FLT1: variants seen among roughly 807,000 people sequenced by gnomAD.
FLT1 encodes the protein vascular endothelial growth factor receptor 1.
In FLT1, 49 loss-of-function variants were observed where a neutral mutation model predicts 156.3. That is an observed-to-expected ratio of 0.31 (90% CI 0.25 to 0.40). The LOEUF (loss-of-function observed/expected upper bound fraction) is 0.40. Ranked by LOEUF, FLT1 falls within the 10% of genes least tolerant of loss-of-function variation. The pLI, the probability that FLT1 is intolerant of heterozygous loss-of-function variation, is 1.00. For synonymous variants in FLT1, 594 were observed against 583.8 expected (o/e 1.02, Z -0.25); for missense variants, 1,322 against 1,637.2 (o/e 0.81, Z 3.32).
chr13:28,432,193 G>T (rs1050890324), intron 6 of FLT1, among the ~76,000 whole-genome samples: 31 of 152,072 alleles, frequency 2.0e-4, no homozygotes, highest in African/African-American at 7.3e-4. Context: ...GGGGGCGGAG[G>T]GGAGGAGCAT....
In FLT1 at chr13:28,397,041, A is replaced by G; in HGVS notation, c.1579T>C (p.Ser527Pro). Reference sequence around the variant, plus strand: ...CAAATGTAGATTCCAGAAATTCTAGAGTCAGCCACAACCAAGGTGCTAGCC... The same window carrying G: ...CAAATGTAGATTCCAGAAATTCTAGGGTCAGCCACAACCAAGGTGCTAGCC... ...KMASTLVVAD[S>P]RISGIYICIA... Residue 527 changes from serine to proline, a missense_variant, in exon 12 of 30, where the codon TCT becomes CCT. Ser to Pro is a moderately conservative substitution (Grantham distance 74, BLOSUM62 -1). Coordinates refer to ENST00000282397, the MANE Select transcript of FLT1 (RefSeq NM_002019.4). 6.2e-7 allele frequency: 1 copy of G among 1,613,594 alleles called. No individual in the cohort carries two copies. The highest frequency in any genetic ancestry group is 8.5e-7 in the Non-Finnish European group (1 of 1,179,552).
At chr13:28,331,445 T>G (rs1031298665) in intron 18 of FLT1, among the ~76,000 whole-genome samples, 1 of 152,238 alleles carries the variant, frequency 6.6e-6, no homozygotes, top group African/African-American at 2.4e-5. Flanking sequence ...TATGCTTTTG[T>G]TTTGAGACGG....
intron 1 of FLT1, among the ~76,000 whole-genome samples, chr13:28,493,779 G>A (rs917778338): frequency 6.6e-6 from 1 of 152,150 alleles, no homozygotes; most frequent in Non-Finnish European, 1.5e-5. Flanking sequence ...CAATGGCGGC[G>A]GTCTAACTGC....
At chr13:28,386,574 T>G in intron 13 of FLT1, 1 of 1,055,596 alleles carries the variant, frequency 9.5e-7, no homozygotes, top group Non-Finnish European at 1.1e-6. Flanking sequence ...CTTTCCTATC[T>G]TATCTTGCCC....
At chr13:28,389,270 A>G (rs764954141) in intron 13 of FLT1, 12 of 1,162,454 alleles carry the variant, frequency 1.0e-5, no homozygotes, top group Non-Finnish European at 1.2e-5. Flanking sequence ...CAGAGTCTCA[A>G]ATTCAACTGT....
chr13:28,385,664 T>C (rs1408749169), intron 13 of FLT1: 12 of 1,006,604 alleles, frequency 1.2e-5, no homozygotes, highest in African/African-American at 5.2e-5. Flanking sequence ...TTTTGCACTA[T>C]ATAATAGTAC....
intron 11 of FLT1, chr13:28,399,196 G>T (rs1437616207): frequency 1.1e-6 from 1 of 924,410 alleles, no homozygotes. Context: ...CTTCAAAGCA[G>T]TATGCAAAAA....
chr13:28,466,797 T>C (rs778082513), intron 3 of FLT1, 106 bp downstream of exon 3: 3 of 796,396 alleles, frequency 3.8e-6, no homozygotes, highest in East Asian at 5.3e-5. Context: ...TCCTAACCCG[T>C]TTCTTTCATA....
chr13:28,473,691 GAGAA>G (rs1204398143), intron 1 of FLT1, among the ~76,000 whole-genome samples: 19 of 127,324 alleles, frequency 1.5e-4, no homozygotes, highest in African/African-American at 5.1e-4. Context: ...GAGAGAGAGA[GAGAA>G]AGAAAAGAAA....
intron 3 of FLT1, among the ~76,000 whole-genome samples, chr13:28,461,092 C>A (rs1200021059): frequency 2.6e-5 from 4 of 151,768 alleles, no homozygotes; most frequent in Non-Finnish European, 5.9e-5. Context: ...CTTGTCCCAG[C>A]CTCCTAAATA....
chr13:28,493,392 T>G (rs1275900763), intron 1 of FLT1, among the ~76,000 whole-genome samples: 1 of 152,212 alleles, frequency 6.6e-6, no homozygotes, highest in Non-Finnish European at 1.5e-5. Flanking sequence ...TCGCCCTGTC[T>G]CCGGGTTTAG....
chr13:28,445,258 T>A (rs1878549445), intron 3 of FLT1, among the ~76,000 whole-genome samples: 2 of 151,962 alleles, frequency 1.3e-5, no homozygotes, highest in African/African-American at 4.8e-5. Flanking sequence ...GGGTGGATTA[T>A]CTGAGGCAAG....
rs1056433409 is a variant in FLT1 at position 28,467,440 on chromosome 13, C to T, written c.161+81G>A. On this transcript the variant is annotated intron_variant, in intron 2 of 29. Transcript: ENST00000282397. ...CAGATCACAGGAGATCACTGAGGTCCCTACCTTTTTACTCTGCCAGGGAAT... is the reference window on the plus strand; with the variant it reads ...CAGATCACAGGAGATCACTGAGGTCTCTACCTTTTTACTCTGCCAGGGAAT... The T allele has an allele frequency of 6.4e-6, 6 of 942,732 alleles. No individual in the cohort carries two copies. The African/African-American group carries it at 8.1e-5, about 13-fold the overall frequency. 58.4% of individuals were successfully genotyped at this position (942,732 alleles called of 1,614,324 possible).
intron 11 of FLT1, chr13:28,398,927 C>G (rs777327090): frequency 1.4e-6 from 1 of 733,260 alleles, no homozygotes; most frequent in Non-Finnish European, 2.4e-6. Context: ...GGAAAGTGTA[C>G]GAAAGAGAGC....
chr13:28,398,889 A>C (rs1566003877), intron 11 of FLT1, among the ~76,000 whole-genome samples: 1 of 152,224 alleles, frequency 6.6e-6, no homozygotes, highest in Non-Finnish European at 1.5e-5. Context: ...TTTGCAAGGA[A>C]AGCGCATATG....
chr13:28,304,740 T>C (rs992473890), intron 29 of FLT1, among the ~76,000 whole-genome samples: 1 of 152,190 alleles, frequency 6.6e-6, no homozygotes. Context: ...ACTTTCTGTC[T>C]CTAGATTTAC....
chr13:28,306,781 AGAAG>A lies in FLT1; in HGVS notation c.3721-13_3721-10del, dbSNP rs761685617. 1.9e-6 allele frequency: 3 copies of A among 1,595,478 alleles called. No homozygotes were observed. The highest frequency in any genetic ancestry group is 1.3e-5 in the African/African-American group (1 of 74,496). On this transcript the variant is annotated splice_polypyrimidine_tract_variant and intron_variant, in intron 28 of 29. Transcript: ENST00000282397. ...CTGTCGCCCTGGTAGTCCTAGGGGG[AGAAG>A]GAGAAAGGTTATACTCTTGCCTGGC...
At chr13:28,488,344 G>A (rs1881281492) in intron 1 of FLT1, among the ~76,000 whole-genome samples, 1 of 152,122 alleles carries the variant, frequency 6.6e-6, no homozygotes. Flanking sequence ...AGGTGGCAGT[G>A]AGCCAGGATT....
At chr13:28,311,126 T>A (rs949763520) in intron 27 of FLT1, among the ~76,000 whole-genome samples, 1 of 151,960 alleles carries the variant, frequency 6.6e-6, no homozygotes, top group African/African-American at 2.4e-5. Context: ...CCCGGCTAAT[T>A]TTTAAATTTT....
Sources: allele counts gnomAD v4.1 joint callset (sites outside exome capture counted in the v4.1 genomes callset), GRCh38; gene constraint gnomAD v4.1.1; transcripts MANE v1.5; gene names NCBI Gene and HGNC (gene_info 2026-07-23, HGNC 2026-07-21).